CEP112: variants seen among roughly 807,000 people sequenced by gnomAD.
CEP112 encodes the protein centrosomal protein of 112 kDa.
A neutral mutation model predicts 153.0 loss-of-function variants in CEP112; 127 were observed. That is an observed-to-expected ratio of 0.83 (90% CI 0.72 to 0.96). CEP112 has a LOEUF of 0.96. Among genes scored for constraint, CEP112 ranks in the 40% least tolerant of loss-of-function variants. CEP112 has a pLI of 0.00. For synonymous variants in CEP112, 358 were observed against 374.4 expected (o/e 0.96, Z 0.51); for missense variants, 1,089 against 1,101.2 (o/e 0.99, Z 0.16).
intron 23 of CEP112, among the ~76,000 whole-genome samples, chr17:65,697,869 T>C (rs1381446530): frequency 1.3e-5 from 2 of 152,226 alleles, no homozygotes; most frequent in East Asian, 1.9e-4. Context: ...TCTACAGTCA[T>C]GGAAAACAGG....
chr17:66,066,392 T>C (rs1018711840), intron 10 of CEP112, among the ~76,000 whole-genome samples: 43 of 152,260 alleles, frequency 2.8e-4, no homozygotes, highest in African/African-American at 1.0e-3. Flanking sequence ...GAAGAATAAT[T>C]TCCTTTGACT....
At chr17:65,852,162 T>A in intron 20 of CEP112, 128 bp from the exon 21 acceptor site, 1 of 594,408 alleles carries the variant, frequency 1.7e-6, no homozygotes, top group Non-Finnish European at 2.9e-6. Context: ...TTGCACTCCA[T>A]CCTTCCTTCT....
chr17:66,162,768 CAAGA>C (rs2071767275), intron 4 of CEP112, among the ~76,000 whole-genome samples: 1 of 152,022 alleles, frequency 6.6e-6, no homozygotes, highest in African/African-American at 2.4e-5. Flanking sequence ...TGGGAGAGAG[CAAGA>C]AAGAGTTTCT....
chr17:65,885,561 G>C (rs1056882674), intron 20 of CEP112, among the ~76,000 whole-genome samples: 2 of 152,038 alleles, frequency 1.3e-5, no homozygotes, highest in African/African-American at 4.8e-5. Context: ...CATTTACACT[G>C]CAAGAAGAAT....
intron 1 of CEP112, among the ~76,000 whole-genome samples, chr17:66,186,491 G>A (rs943300350): frequency 3.3e-5 from 5 of 152,002 alleles, no homozygotes; most frequent in Non-Finnish European, 7.4e-5. Flanking sequence ...GCGTTTCACC[G>A]TGTTAGCCAG....
intron 24 of CEP112, among the ~76,000 whole-genome samples, chr17:65,681,515 G>A (rs1167547884): frequency 6.7e-6 from 1 of 149,902 alleles, no homozygotes; most frequent in African/African-American, 2.5e-5. Flanking sequence ...GCCTCCAAAT[G>A]AATGTCCTCC....
intron 12 of CEP112, among the ~76,000 whole-genome samples, chr17:66,034,974 A>ATGTGTGTGTGTGTGTGTGTGTGTG (rs1568411223): frequency 0.015 from 513 of 35,182 alleles, 46 homozygotes; most frequent in Non-Finnish European, 0.018. Context: ...AAGTTTTTGC[A>ATGTGTGTGTGTGTGTGTGTGTGTG]TGTATATATA....
chr17:66,154,994 CCTCT>C (rs372109071), intron 4 of CEP112, among the ~76,000 whole-genome samples: 2 of 151,692 alleles, frequency 1.3e-5, no homozygotes, highest in South Asian at 2.1e-4. Flanking sequence ...TCCCTCCCTC[CCTCT>C]CTCTCTCTCT....
intron 21 of CEP112, 175 bp from the exon 22 acceptor site, chr17:65,750,899 C>CA (rs35172380): frequency 0.026 from 9,213 of 347,680 alleles, 5 homozygotes; most frequent in Middle Eastern, 0.03. Flanking sequence ...ACTTAAAAAG[C>CA]AAAAAAAAAA....
At chr17:66,058,744 C>A (rs566559631) in intron 11 of CEP112, among the ~76,000 whole-genome samples, 6 of 151,910 alleles carry the variant, frequency 3.9e-5, no homozygotes, top group Non-Finnish European at 7.4e-5. Context: ...CCCAGCTACT[C>A]AGGAGACTGA....
chr17:66,090,243 A>G (rs2068083087), intron 8 of CEP112, among the ~76,000 whole-genome samples: 1 of 152,118 alleles, frequency 6.6e-6, no homozygotes, highest in South Asian at 2.1e-4. Flanking sequence ...ATATATAAGG[A>G]TAAAACTCAC....
Position 65,662,125 on chromosome 17 carries a change from C to T in CEP112, c.2698-21060G>A, listed in dbSNP as rs529524013. Among the ~76,000 whole-genome samples the T allele has an allele frequency of 6.6e-5, 10 of 152,140 alleles. No homozygotes were observed. In the East Asian group the frequency reaches 9.6e-4, roughly 15 times the overall value. On this transcript the variant is annotated intron_variant, in intron 24 of 26. Coordinates refer to ENST00000535342, the MANE Select transcript of CEP112 (RefSeq NM_001199165.4). ...CTGGGACCACAGGTGGGCACCACCA[C>T]GCCTGACTAAGTTCTGTATTTTTTG...
chr17:65,817,623 G>T (rs2145968011), intron 21 of CEP112, among the ~76,000 whole-genome samples: 1 of 151,700 alleles, frequency 6.6e-6, no homozygotes, highest in East Asian at 1.9e-4. Flanking sequence ...TTTTGTTTTG[G>T]CTCTATTCAT....
At chr17:65,838,390 C>A (rs548301051) in intron 21 of CEP112, among the ~76,000 whole-genome samples, 15 of 152,164 alleles carry the variant, frequency 9.9e-5, no homozygotes, top group African/African-American at 3.6e-4. Flanking sequence ...AAACAGCAGA[C>A]CCCTCAATAA....
intron 10 of CEP112, among the ~76,000 whole-genome samples, chr17:66,064,464 T>C (rs543415536): frequency 1.3e-5 from 2 of 152,356 alleles, no homozygotes; most frequent in Admixed American, 1.3e-4. Context: ...CTCTTCTGGA[T>C]AGTAAAATAA....
At chr17:65,775,389 C>G (rs1378321442) in intron 21 of CEP112, among the ~76,000 whole-genome samples, 1 of 152,062 alleles carries the variant, frequency 6.6e-6, no homozygotes. Flanking sequence ...GAAGTAGAGA[C>G]GGCAGGAAAG....
Position 65,637,102 on chromosome 17 carries a change from G to A in CEP112, c.2864+22C>T, listed in dbSNP as rs747090116. 18 of 1,599,414 alleles carry A rather than the reference G, an allele frequency of 1.1e-5. No homozygotes were observed. In the South Asian group the frequency reaches 1.5e-4, roughly 14 times the overall value. On this transcript the variant is annotated intron_variant, in intron 26 of 26. Coordinates refer to ENST00000535342, the MANE Select transcript of CEP112 (RefSeq NM_001199165.4). ...ACAACACAAACTAATCAGGAGACAA[G>A]ACACCTGCTTATGGGCTGTACCTTC...
At chr17:66,094,223 C>G (rs1386140003) in intron 8 of CEP112, among the ~76,000 whole-genome samples, 1 of 151,982 alleles carries the variant, frequency 6.6e-6, no homozygotes, top group Admixed American at 6.6e-5. Context: ...CCACACCCGG[C>G]TAATTTTCGT....
intron 19 of CEP112, among the ~76,000 whole-genome samples, chr17:65,908,454 G>T (rs1286734164): frequency 6.6e-6 from 1 of 152,122 alleles, no homozygotes; most frequent in African/African-American, 2.4e-5. Flanking sequence ...CCAACACTTT[G>T]GGAGGCTGAG....
Sources: allele counts gnomAD v4.1 joint callset (sites outside exome capture counted in the v4.1 genomes callset), GRCh38; gene constraint gnomAD v4.1.1; transcripts MANE v1.5; gene names NCBI Gene and HGNC (gene_info 2026-07-23, HGNC 2026-07-21).